Variants in PCED1B observed in about 807,000 individuals in gnomAD.
PCED1B encodes the protein PC-esterase domain containing 1B.
For missense variants in PCED1B, 573 were observed against 573.9 expected, an observed-to-expected ratio of 1.00 and a Z score of 0.02; for synonymous variants, 251 against 246.1, an observed-to-expected ratio of 1.02 and a Z score of -0.19.
rs142980352 is a variant in PCED1B, at chr12:47,165,067, G to A, written c.-525-51155G>A. 3.4e-3 allele frequency among the ~76,000 whole-genome samples: 518 copies of A among 152,320 alleles called. 8 individuals carry two copies. The South Asian group carries it at 0.041, about 12-fold the overall frequency. ...ATGTTGGCCTGCCCAGGTACTGCTT[G>A]AGAGTTTTACCCTGGAGGGGCTCCT... On this transcript the variant is annotated intron_variant, in intron 2 of 3. Transcript: ENST00000546455.
intron 2 of PCED1B, among the ~76,000 whole-genome samples, chr12:47,126,346 CT>C (rs1390557703): frequency 1.3e-5 from 2 of 151,992 alleles, no homozygotes; most frequent in African/African-American, 4.8e-5. Context: ...CCTTGTATTC[CT>C]GGAGTAAACC....
intron 2 of PCED1B, chr12:47,187,840 T>C (rs1275908280): frequency 1.3e-5 from 2 of 153,930 alleles, no homozygotes; most frequent in Non-Finnish European, 2.9e-5. Flanking sequence ...CCTCTACATT[T>C]CCACCTAGAC....
intron 2 of PCED1B, among the ~76,000 whole-genome samples, chr12:47,133,631 C>T (rs751829195): frequency 3.3e-5 from 5 of 152,158 alleles, no homozygotes; most frequent in Admixed American, 6.5e-5. Flanking sequence ...ACAGCTCAAA[C>T]TGTGTTTAAT....
chr12:47,211,195 G>A (rs1193856170), intron 2 of PCED1B, among the ~76,000 whole-genome samples: 1 of 152,162 alleles, frequency 6.6e-6, no homozygotes, highest in African/African-American at 2.4e-5. Context: ...TGCACTGTGA[G>A]CTACAGAACA....
chr12:47,089,792 G>T (rs1193511845), intron 1 of PCED1B, among the ~76,000 whole-genome samples: 3 of 150,492 alleles, frequency 2.0e-5, no homozygotes, highest in Non-Finnish European at 4.4e-5. Context: ...CTCTTTTTTT[G>T]AGACAGAGCC....
chr12:47,175,607 CTT>C (rs1323382095), intron 2 of PCED1B, among the ~76,000 whole-genome samples: 5 of 152,042 alleles, frequency 3.3e-5, no homozygotes, highest in Non-Finnish European at 1.5e-5. Context: ...GAGTTTCACT[CTT>C]GTTGCCCAGG....
intron 2 of PCED1B, among the ~76,000 whole-genome samples, chr12:47,130,196 T>G (rs1246474460): frequency 6.6e-6 from 1 of 152,186 alleles, no homozygotes; most frequent in Non-Finnish European, 1.5e-5. Flanking sequence ...TTTAAAAGGT[T>G]AGTAGTTAAT....
chr12:47,106,377 T>C (rs999809866), intron 2 of PCED1B, among the ~76,000 whole-genome samples: 1 of 152,088 alleles, frequency 6.6e-6, no homozygotes, highest in African/African-American at 2.4e-5. Context: ...AACCTTGAGG[T>C]AATCTTTGTG....
intron 3 of PCED1B, among the ~76,000 whole-genome samples, 184 bp from the exon 4 acceptor site, chr12:47,234,823 G>A (rs1022784840): frequency 5.9e-5 from 9 of 152,086 alleles, no homozygotes; most frequent in African/African-American, 2.2e-4. Flanking sequence ...CTCCCTTCCT[G>A]CCCTCTCGCC....
intron 2 of PCED1B, among the ~76,000 whole-genome samples, chr12:47,195,553 A>C (rs1041110390): frequency 1.3e-4 from 19 of 150,494 alleles, no homozygotes; most frequent in Non-Finnish European, 2.4e-4. Context: ...GCAACTACCC[A>C]AAAAAAAACC....
intron 2 of PCED1B, among the ~76,000 whole-genome samples, chr12:47,178,084 A>T (rs945431202): frequency 6.6e-6 from 1 of 152,200 alleles, no homozygotes; most frequent in Non-Finnish European, 1.5e-5. Context: ...ATGTAATCAG[A>T]TCTGCTTAAG....
chr12:47,152,103 A>G (rs1009888732), intron 2 of PCED1B, among the ~76,000 whole-genome samples: 1 of 152,248 alleles, frequency 6.6e-6, no homozygotes, highest in African/African-American at 2.4e-5. Context: ...GGTAAACACT[A>G]TAGTAATAAC....
chr12:47,228,411 C>T (rs1433053643), intron 3 of PCED1B, among the ~76,000 whole-genome samples: 1 of 152,114 alleles, frequency 6.6e-6, no homozygotes, highest in Non-Finnish European at 1.5e-5. Context: ...CATTCACCAC[C>T]CATCCCCTCC....
In PCED1B at chr12:47,107,873, C is replaced by T. The variant is rs140513092; in HGVS notation, c.-526+3678C>T. Reference sequence around the variant, plus strand: ...TTTTACATCAGGTAAGACTCCTAAACCAGAAAAATGAGGATCTTTATTGCT... The same window carrying T: ...TTTTACATCAGGTAAGACTCCTAAATCAGAAAAATGAGGATCTTTATTGCT... On this transcript the variant is annotated intron_variant, in intron 2 of 3. Coordinates refer to ENST00000546455, the MANE Select transcript of PCED1B (RefSeq NM_138371.3). Among the ~76,000 whole-genome samples the T allele has an allele frequency of 1.9e-3, 287 of 152,280 alleles. 1 individual carries two copies. Among genetic ancestry groups the T allele is most frequent in the South Asian group, 5.0e-3 (24 of 4,816 alleles).
chr12:47,148,591 C>T (rs1940877435), intron 2 of PCED1B, among the ~76,000 whole-genome samples: 1 of 152,140 alleles, frequency 6.6e-6, no homozygotes, highest in Non-Finnish European at 1.5e-5. Flanking sequence ...ATTTGTGTTG[C>T]TTCACTTTTC....
At chr12:47,210,996 T>C (rs1592289235) in intron 2 of PCED1B, among the ~76,000 whole-genome samples, 1 of 152,214 alleles carries the variant, frequency 6.6e-6, no homozygotes, top group Non-Finnish European at 1.5e-5. Context: ...CAATCGTATA[T>C]GCAAAGCAAA....
chr12:47,110,598 T>G (rs1019894540), intron 2 of PCED1B, among the ~76,000 whole-genome samples: 1 of 152,136 alleles, frequency 6.6e-6, no homozygotes, highest in Non-Finnish European at 1.5e-5. Context: ...CCATAAAACT[T>G]TAATTGCATG....
At chr12:47,217,516 GA>G (rs141653515) in intron 3 of PCED1B, among the ~76,000 whole-genome samples, 1 of 111,798 alleles carries the variant, frequency 8.9e-6, no homozygotes, top group African/African-American at 4.0e-5. Context: ...AAGAAAGAAA[GA>G]AGAAAGAGAA....
chr12:47,101,651 A>C (rs534664824), intron 1 of PCED1B, among the ~76,000 whole-genome samples: 1 of 152,118 alleles, frequency 6.6e-6, no homozygotes, highest in Non-Finnish European at 1.5e-5. Context: ...AAACTGAATT[A>C]AAAGGAAGAT....
Sources: allele counts gnomAD v4.1 joint callset (sites outside exome capture counted in the v4.1 genomes callset), GRCh38; gene constraint gnomAD v4.1.1; transcripts MANE v1.5; gene names NCBI Gene and HGNC (gene_info 2026-07-23, HGNC 2026-07-21).